Variants in ATG4C observed in about 807,000 individuals in gnomAD.
ATG4C encodes the protein autophagy related 4C cysteine peptidase, also known as cysteine protease ATG4C.
A neutral mutation model predicts 57.6 loss-of-function variants in ATG4C; 56 were observed. The observed-to-expected ratio is 0.97, with a 90% confidence interval of 0.78 to 1.21. ATG4C has a LOEUF of 1.21. Ranked by LOEUF, ATG4C falls within the 50% of genes most tolerant of loss-of-function variation. The probability of loss-of-function intolerance (pLI) is 0.00; values close to 1 mark genes in which losing one functional copy is unlikely to be tolerated. For synonymous variants in ATG4C, 157 were observed against 174.1 expected (o/e 0.90, Z 0.78); for missense variants, 595 against 529.8 (o/e 1.12, Z -1.21).
intron 10 of ATG4C, among the ~76,000 whole-genome samples, chr1:62,861,620 CACACACAG>C (rs879637158): frequency 0.057 from 1,921 of 33,818 alleles, 51 homozygotes; most frequent in African/African-American, 0.12. Flanking sequence ...CACACACACA[CACACACAG>C]AGAGACACAA....
chr1:62,818,741 T>TA (rs755051035), intron 4 of ATG4C, among the ~76,000 whole-genome samples: 10 of 152,074 alleles, frequency 6.6e-5, no homozygotes, highest in Non-Finnish European at 1.2e-4. Flanking sequence ...TTAGCATAGT[T>TA]ATAGAGTTCC....
intron 3 of ATG4C, among the ~76,000 whole-genome samples, chr1:62,815,611 G>T (rs976679357): frequency 1.1e-4 from 17 of 152,270 alleles, no homozygotes; most frequent in African/African-American, 4.1e-4. Context: ...GCTCAATGCA[G>T]CCTCAACCTC....
intron 10 of ATG4C, among the ~76,000 whole-genome samples, chr1:62,848,605 TTGAGAA>T (rs1175579189): frequency 6.6e-6 from 1 of 152,192 alleles, no homozygotes; most frequent in Non-Finnish European, 1.5e-5. Context: ...CCTGAACCAT[TTGAGAA>T]TAAGTTGCTA....
intron 2 of ATG4C, among the ~76,000 whole-genome samples, chr1:62,804,127 C>T (rs1234483535): frequency 6.7e-6 from 1 of 149,826 alleles, no homozygotes; most frequent in Non-Finnish European, 1.5e-5. Flanking sequence ...CGCTCTGTCA[C>T]ACAGGCTGGA....
chr1:62,850,899 T>TATAC (rs1205883862), intron 10 of ATG4C, among the ~76,000 whole-genome samples: 1 of 62,580 alleles, frequency 1.6e-5, no homozygotes, highest in Non-Finnish European at 3.2e-5. Flanking sequence ...TATATATATA[T>TATAC]ATACATACAC....
At chr1:62,832,798 C>T (rs1401663181) in intron 7 of ATG4C, among the ~76,000 whole-genome samples, 1 of 152,104 alleles carries the variant, frequency 6.6e-6, no homozygotes, top group African/African-American at 2.4e-5. Context: ...TTTTAAAGCA[C>T]ATTTTGTTGT....
chr1:62,820,274 T>C (rs1665439603), intron 5 of ATG4C, among the ~76,000 whole-genome samples: 2 of 152,068 alleles, frequency 1.3e-5, no homozygotes, highest in Non-Finnish European at 2.9e-5. Context: ...GAAGTGACAA[T>C]AGTAAATATT....
At chr1:62,855,297 G>A (rs1666649296) in intron 10 of ATG4C, among the ~76,000 whole-genome samples, 1 of 151,964 alleles carries the variant, frequency 6.6e-6, no homozygotes, top group Non-Finnish European at 1.5e-5. Context: ...CCCCTGCTCT[G>A]CTGTGCTGTA....
At chr1:62,850,858 A>ATGTATG (rs1242790645) in intron 10 of ATG4C, among the ~76,000 whole-genome samples, 1 of 47,950 alleles carries the variant, frequency 2.1e-5, no homozygotes, top group African/African-American at 1.0e-4. Context: ...ATGTATGTAT[A>ATGTATG]TATATATATA....
chr1:62,794,848 G>C, intron 1 of ATG4C, among the ~76,000 whole-genome samples: 1 of 137,118 alleles, frequency 7.3e-6, no homozygotes, highest in African/African-American at 3.3e-5. Flanking sequence ...AGAGGAGGGA[G>C]AGAAGAAATG....
chr1:62,794,033 C>T (rs1375011008), intron 1 of ATG4C, among the ~76,000 whole-genome samples: 1 of 151,894 alleles, frequency 6.6e-6, no homozygotes, highest in African/African-American at 2.4e-5. Flanking sequence ...ATTTATCAAA[C>T]AACTGTGTGG....
rs538196939 is a variant in ATG4C at position 62,841,584 on chromosome 1, T to C, written c.1209+37T>C. The C allele has an allele frequency of 1.3e-5, 19 of 1,471,600 alleles. No homozygotes were observed. In the South Asian group the frequency reaches 2.2e-4, roughly 17 times the overall value. 91.2% of individuals were successfully genotyped at this position (1,471,600 alleles called of 1,614,324 possible). ...TAAAATATTATATTTGTAAATGACCTAATTTTATTAGAAACAGACTGTCAG... is the reference window on the plus strand; with the variant it reads ...TAAAATATTATATTTGTAAATGACCCAATTTTATTAGAAACAGACTGTCAG... On this transcript the variant is annotated intron_variant, in intron 10 of 10. Transcript: ENST00000317868.
At chr1:62,834,624 C>G (rs1665941745) in intron 8 of ATG4C, 152 bp from the exon 9 acceptor site, 3 of 601,814 alleles carry the variant, frequency 5.0e-6, no homozygotes, top group Admixed American at 6.4e-5. Context: ...GTTAATCTAT[C>G]CTGTGCAAAC....
chr1:62,806,888 G>A (rs922173757), intron 3 of ATG4C, among the ~76,000 whole-genome samples: 2 of 152,198 alleles, frequency 1.3e-5, no homozygotes, highest in African/African-American at 4.8e-5. Flanking sequence ...ACCTTAAGCT[G>A]TGAAGAATTA....
At chr1:62,784,371 T>C (rs894018138) in intron 1 of ATG4C, 98 bp downstream of exon 1, 4 of 152,458 alleles carry the variant, frequency 2.6e-5, no homozygotes, top group African/African-American at 9.6e-5. Flanking sequence ...CCGCCTTCAG[T>C]GAAGACCCTG....
At chr1:62,796,174 A>T (rs1664457053) in intron 1 of ATG4C, among the ~76,000 whole-genome samples, 1 of 150,050 alleles carries the variant, frequency 6.7e-6, no homozygotes, top group Non-Finnish European at 1.5e-5. Context: ...TTTTTTTAAC[A>T]AAAGCAGGCA....
At chr1:62,808,128 G>A (rs1664941006) in intron 3 of ATG4C, among the ~76,000 whole-genome samples, 1 of 152,210 alleles carries the variant, frequency 6.6e-6, no homozygotes. Flanking sequence ...ATAACTGATG[G>A]TAATGTAAAA....
intron 3 of ATG4C, 74 bp from the exon 4 acceptor site, chr1:62,816,501 G>T: frequency 9.9e-7 from 1 of 1,007,564 alleles, no homozygotes. Flanking sequence ...CACATCTTAA[G>T]ACAGTAATGA....
chr1:62,853,187 AG>A (rs1450525098), intron 10 of ATG4C, among the ~76,000 whole-genome samples: 1 of 152,062 alleles, frequency 6.6e-6, no homozygotes, highest in Non-Finnish European at 1.5e-5. Flanking sequence ...AGTGTTGTTG[AG>A]AAGTTTGATG....
Sources: allele counts gnomAD v4.1 joint callset (sites outside exome capture counted in the v4.1 genomes callset), GRCh38; gene constraint gnomAD v4.1.1; transcripts MANE v1.5; gene names NCBI Gene and HGNC (gene_info 2026-07-23, HGNC 2026-07-21).